PIK3CA: variants seen among roughly 807,000 people sequenced by gnomAD.
The protein encoded by PIK3CA is phosphatidylinositol-4,5-bisphosphate 3-kinase catalytic subunit alpha.
Under a neutral mutation model 138.2 loss-of-function variants are expected in PIK3CA, and 27 were observed. The observed-to-expected ratio is 0.20, with a 90% confidence interval of 0.14 to 0.27. PIK3CA has a LOEUF of 0.27. Ranked by LOEUF, PIK3CA falls within the 10% of genes least tolerant of loss-of-function variation. The pLI, the probability that PIK3CA is intolerant of heterozygous loss-of-function variation, is 1.00. For synonymous variants in PIK3CA, 358 were observed against 413.2 expected, an observed-to-expected ratio of 0.87 and a Z score of 1.62; for missense variants, 544 against 1,277.4, an observed-to-expected ratio of 0.43 and a Z score of 8.75.
chr3:179,223,858 A>T (rs796455860), intron 14 of PIK3CA, among the ~76,000 whole-genome samples: 5 of 152,108 alleles, frequency 3.3e-5, no homozygotes, highest in African/African-American at 4.8e-5. Context: ...AGCAGATTTC[A>T]TCTTCTTACA....
intron 1 of PIK3CA, among the ~76,000 whole-genome samples, chr3:179,195,879 G>A (rs551518883): frequency 6.6e-6 from 1 of 152,244 alleles, no homozygotes; most frequent in South Asian, 2.1e-4. Context: ...AACCCTGGGG[G>A]TAATGGTTTG....
chr3:179,193,947 C>A (rs538601318), intron 1 of PIK3CA, among the ~76,000 whole-genome samples: 1 of 151,912 alleles, frequency 6.6e-6, no homozygotes, highest in Non-Finnish European at 1.5e-5. Flanking sequence ...GTGATTTATC[C>A]CCCCATTGCT....
rs1265606547 is a variant in PIK3CA, at chr3:179,235,121, G to GT, written c.*758dup. The GT allele has an allele frequency of 6.0e-6, 1 of 166,838 alleles. No homozygotes were observed. The highest frequency in any genetic ancestry group is 9.3e-5 in the East Asian group (1 of 10,728). The allele number at this position is 166,838 out of a possible 1,614,324, so 10.3% of individuals were successfully genotyped here. A position where few individuals can be genotyped will look rare whatever the true frequency, so the allele number is the denominator to read the frequency against. ...CAGGGAAATTCTGGGCTCCCACAAA[G>GT]TAAAAAAAAAAAAAAATCATAGAAA... is the stretch of plus-strand genomic sequence containing the variant. On this transcript the variant is annotated 3_prime_UTR_variant, in exon 21 of 21. Transcript: ENST00000263967.
intron 1 of PIK3CA, among the ~76,000 whole-genome samples, chr3:179,154,608 G>T (rs888199433): frequency 3.3e-5 from 5 of 152,160 alleles, no homozygotes; most frequent in African/African-American, 1.2e-4. Flanking sequence ...GGGACAGATT[G>T]TAACACATTT....
At chr3:179,180,820 C>T (rs1723822690) in intron 1 of PIK3CA, among the ~76,000 whole-genome samples, 1 of 152,092 alleles carries the variant, frequency 6.6e-6, no homozygotes, top group Admixed American at 6.5e-5. Context: ...ATAATAACAT[C>T]AGTATTTCTT....
chr3:179,163,938 C>CT (rs763529256), intron 1 of PIK3CA, among the ~76,000 whole-genome samples: 151 of 152,122 alleles, frequency 9.9e-4, no homozygotes, highest in Non-Finnish European at 1.2e-3. Context: ...ATTTGCATGC[C>CT]TTTAAAATCA....
intron 9 of PIK3CA, among the ~76,000 whole-genome samples, chr3:179,217,015 A>G (rs1397035331): frequency 6.6e-6 from 1 of 151,952 alleles, no homozygotes; most frequent in East Asian, 1.9e-4. Context: ...TAAAATCCCA[A>G]CTTTATACCC....
At chr3:179,225,397 G>A (rs1576945880) in intron 16 of PIK3CA, among the ~76,000 whole-genome samples, 1 of 152,142 alleles carries the variant, frequency 6.6e-6, no homozygotes, top group Non-Finnish European at 1.5e-5. Context: ...AGGCTATGGG[G>A]GGAGTGAAGG....
chr3:179,149,042 G>T (rs1019932464), intron 1 of PIK3CA, among the ~76,000 whole-genome samples: 1 of 152,116 alleles, frequency 6.6e-6, no homozygotes, highest in African/African-American at 2.4e-5. Flanking sequence ...CTTTTCTTGA[G>T]GGGCTGTCAC....
In PIK3CA at chr3:179,234,803, G is replaced by A; in HGVS notation, c.*439G>A. 1 of 232,836 alleles carries A rather than the reference G, an allele frequency of 4.3e-6. No individual in the cohort carries two copies. The highest frequency in any genetic ancestry group is 1.8e-4 in the South Asian group (1 of 5,514). 14.4% of individuals were successfully genotyped at this position (232,836 alleles called of 1,614,324 possible). A position where few individuals can be genotyped will look rare whatever the true frequency, so the allele number is the denominator to read the frequency against. ...TTGCATTAGGTGTAAGTAAACTGGA[G>A]TTTATGTTAAATTACATTGATTGGA... On this transcript the variant is annotated 3_prime_UTR_variant, in exon 21 of 21. Transcript: ENST00000263967. The surrounding 1 kb of genome is among the most constrained non-coding windows in gnomAD (Gnocchi z 5.1).
intron 1 of PIK3CA, among the ~76,000 whole-genome samples, chr3:179,192,538 C>G (rs1724160954): frequency 6.6e-6 from 1 of 152,216 alleles, no homozygotes; most frequent in African/African-American, 2.4e-5. Flanking sequence ...GGGATAACTT[C>G]TTAGCCACTG....
chr3:179,149,164 T>C (rs1219363809), intron 1 of PIK3CA, among the ~76,000 whole-genome samples: 2 of 152,054 alleles, frequency 1.3e-5, no homozygotes, highest in East Asian at 3.9e-4. Context: ...CCCCGCCAGC[T>C]CCCCTCCCAC....
intron 9 of PIK3CA, among the ~76,000 whole-genome samples, chr3:179,214,997 T>C (rs2108405434): frequency 6.6e-6 from 1 of 152,360 alleles, no homozygotes; most frequent in Non-Finnish European, 1.5e-5. Flanking sequence ...TTTGTGTTCA[T>C]TGGTGTTTCC....
In PIK3CA at chr3:179,236,243, A is replaced by C. The variant is rs919521462; in HGVS notation, c.*1879A>C. The C allele has an allele frequency of 9.7e-6, 2 of 206,126 alleles. No individual in the cohort carries two copies. The highest frequency in any genetic ancestry group is 2.0e-5 in the Non-Finnish European group (2 of 100,934). The allele number at this position is 206,126 out of a possible 1,614,324, so 12.8% of individuals were successfully genotyped here. On this transcript the variant is annotated 3_prime_UTR_variant, in exon 21 of 21. Transcript: ENST00000263967. ...GGTATTTCACTAAAGCATGTATATA[A>C]TATTGCCAACAAGAAAAGTAAATTT...
intron 1 of PIK3CA, among the ~76,000 whole-genome samples, chr3:179,173,925 G>T (rs377101105): frequency 6.6e-6 from 1 of 151,388 alleles, no homozygotes; most frequent in Non-Finnish European, 1.5e-5. Flanking sequence ...ACAGGGTTTC[G>T]CTATATTGGC....
intron 1 of PIK3CA, among the ~76,000 whole-genome samples, chr3:179,170,613 T>C (rs1441046113): frequency 2.0e-5 from 3 of 152,236 alleles, no homozygotes; most frequent in African/African-American, 7.2e-5. Flanking sequence ...GATGATTTCC[T>C]TCTTCAGAAA....
At chr3:179,201,040 C>G (rs1248091144) in intron 3 of PIK3CA, among the ~76,000 whole-genome samples, 1 of 152,156 alleles carries the variant, frequency 6.6e-6, no homozygotes, top group Non-Finnish European at 1.5e-5. Context: ...TTAGCTTGGT[C>G]TCAGGTACTT....
chr3:179,217,748 T>C (rs1290334775), intron 9 of PIK3CA, among the ~76,000 whole-genome samples: 3 of 152,092 alleles, frequency 2.0e-5, no homozygotes, highest in Non-Finnish European at 4.4e-5. Flanking sequence ...TTTTACTTTT[T>C]AAATTTGAAA....
chr3:179,225,837 C>T (rs1453630348), intron 16 of PIK3CA, 125 bp from the exon 17 acceptor site: 1 of 540,364 alleles, frequency 1.9e-6, no homozygotes, highest in Non-Finnish European at 3.4e-6. Context: ...ATATTGCTTT[C>T]CTGAAGTTTC....
Sources: gnomAD v4.1 joint callset for allele counts (sites outside exome capture counted in the v4.1 genomes callset) on GRCh38, gnomAD v4.1.1 for gene constraint, Gnocchi (gnomAD v3.1) non-coding constraint, MANE v1.5 for transcripts, NCBI Gene and HGNC (gene_info 2026-07-23, HGNC 2026-07-21) for gene names.